NR0B2: variants seen among roughly 807,000 people sequenced by gnomAD.
The protein encoded by NR0B2 is nuclear receptor SHP.
A neutral mutation model predicts 18.9 loss-of-function variants in NR0B2; 17 were observed. That is an observed-to-expected ratio of 0.90 (90% CI 0.62 to 1.35). The LOEUF is 1.35. NR0B2 is among the 40% of genes most tolerant of loss of function. The probability of loss-of-function intolerance (pLI) is 0.00; values close to 1 mark genes in which losing one functional copy is unlikely to be tolerated. For missense variants in NR0B2, 312 were observed against 333.3 expected, an observed-to-expected ratio of 0.94 and a Z score of 0.50; for synonymous variants, 116 against 138.5, an observed-to-expected ratio of 0.84 and a Z score of 1.14.
rs2082026112 is a variant in NR0B2, at chr1:26,911,497, T to C, written c.*348A>G. On this transcript the variant is annotated 3_prime_UTR_variant, in exon 2 of 2. Transcript: ENST00000254227. ...ACAGTATCAGGCTCCAAGTGTTTCA[T>C]ACCTTTTATTACAAAAATCAATAAC... is the stretch of plus-strand genomic sequence containing the variant. The C allele has an allele frequency of 2.8e-6, 1 of 352,446 alleles. No individual in the cohort carries two copies. Among genetic ancestry groups the C allele is most frequent in the South Asian group, 2.3e-5 (1 of 43,520 alleles). The allele number at this position is 352,446 out of a possible 1,614,324, so 21.8% of individuals were successfully genotyped here. A position where few individuals can be genotyped will look rare whatever the true frequency, so the allele number is the denominator to read the frequency against.
chr1:26,913,802 C>T lies in NR0B2; in HGVS notation c.139G>A (p.Val47Ile), dbSNP rs200354158. Residue 47 changes from valine to isoleucine, a missense_variant, in exon 1 of 2, where the codon GTC becomes ATC. By Grantham distance (29) the Val-to-Ile change is conservative. Transcript: ENST00000254227. Reference sequence around the variant, plus strand: ...GTGCGATGAGGTGCACATAGCTGGACGGGCCGGTGCTGCCTACATAGGCAG... The same window carrying T: ...GTGCGATGAGGTGCACATAGCTGGATGGGCCGGTGCTGCCTACATAGGCAG... ...SRCLCRQHRP[V>I]QLCAPHRTCR... 78 of 1,527,374 alleles carry T rather than the reference C, an allele frequency of 5.1e-5. 1 individual carries two copies. In the South Asian group the frequency reaches 8.3e-4, roughly 16 times the overall value. 94.6% of individuals were successfully genotyped at this position (1,527,374 alleles called of 1,614,324 possible). A position where few individuals can be genotyped will look rare whatever the true frequency, so the allele number is the denominator to read the frequency against.
In NR0B2 at chr1:26,911,573, C is replaced by A. The variant is rs2082026654; in HGVS notation, c.*272G>T. ...TAGGACTTCTGGTCCAATAAGCAGC[C>A]TAAGCTTTCATTCTCATCCCAAGAA... On this transcript the variant is annotated 3_prime_UTR_variant, in exon 2 of 2. Transcript: ENST00000254227. The A allele has an allele frequency of 2.0e-6, 1 of 493,188 alleles. No individual in the cohort carries two copies. The highest frequency in any genetic ancestry group is 1.9e-5 in the African/African-American group (1 of 51,460). 30.6% of individuals were successfully genotyped at this position (493,188 alleles called of 1,614,324 possible). A position where few individuals can be genotyped will look rare whatever the true frequency, so the allele number is the denominator to read the frequency against.
In NR0B2 at chr1:26,912,105, A is replaced by G. The variant is rs952418425; in HGVS notation, c.533-19T>C. The G allele has an allele frequency of 6.2e-7, 1 of 1,612,474 alleles. No individual in the cohort carries two copies. The highest frequency in any genetic ancestry group is 8.5e-7 in the Non-Finnish European group (1 of 1,179,934). ...GGCACATCTGTGGGCAGAGAGGGAG[A>G]AGAGGGCTGGTGAGCACCCTACTCC... On this transcript the variant is annotated intron_variant, in intron 1 of 1. Coordinates refer to ENST00000254227, the MANE Select transcript of NR0B2 (RefSeq NM_021969.3).
In NR0B2 at chr1:26,913,707, C is replaced by A. The variant is rs1475882019; in HGVS notation, c.234G>T (p.Gln78His). ...GCCGCCGCTGGTCCTGGGGAGGCAG[C>A]TGCCAGAAGGATGGCAGGTTCCTGA... ...AFLRNLPSFW[Q>H]LPPQDQRRLL... Residue 78 changes from glutamine (Q) to histidine (H), a missense_variant, in exon 1 of 2, where the codon CAG becomes CAT. Coordinates refer to ENST00000254227, the MANE Select transcript of NR0B2 (RefSeq NM_021969.3). 1 of 1,609,620 alleles carries A rather than the reference C, an allele frequency of 6.2e-7. No individual in the cohort carries two copies. The highest frequency in any genetic ancestry group is 1.7e-5 in the Admixed American group (1 of 59,662).
chr1:26,913,233 G>C (rs2082038737), intron 1 of NR0B2, among the ~76,000 whole-genome samples, 176 bp downstream of exon 1: 1 of 152,116 alleles, frequency 6.6e-6, no homozygotes, highest in South Asian at 2.1e-4. Context: ...GTTGCAGTGA[G>C]CCAAGATCGC....
intron 1 of NR0B2, among the ~76,000 whole-genome samples, chr1:26,913,143 G>A (rs756822373): frequency 4.6e-5 from 7 of 152,042 alleles, no homozygotes; most frequent in East Asian, 1.9e-4. Context: ...AAAATTAGCC[G>A]GGAGTGGTGG....
chr1:26,912,876 C>A (rs2082036790), intron 1 of NR0B2, among the ~76,000 whole-genome samples: 2 of 152,220 alleles, frequency 1.3e-5, no homozygotes, highest in South Asian at 4.1e-4. Context: ...AAGGGCCAGT[C>A]TCTGGAGTGA....
At chr1:26,912,126 A>G (rs1474956180) in intron 1 of NR0B2, 40 bp from the exon 2 acceptor site, 4 of 1,609,848 alleles carry the variant, frequency 2.5e-6, no homozygotes, top group African/African-American at 1.3e-5. Flanking sequence ...TGAGCACCCT[A>G]CTCCCAGCCA....
At chr1:26,912,839 C>T (rs1250909644) in intron 1 of NR0B2, among the ~76,000 whole-genome samples, 1 of 152,148 alleles carries the variant, frequency 6.6e-6, no homozygotes, top group Non-Finnish European at 1.5e-5. Context: ...CTGTAAAGGT[C>T]AGAGCAAATT....
Position 26,912,098 on chromosome 1 carries a change from G to A in NR0B2, c.533-12C>T, listed in dbSNP as rs1557666514. On this transcript the variant is annotated splice_polypyrimidine_tract_variant and intron_variant, in intron 1 of 1. Transcript: ENST00000254227. ...GAGGCCTGGCACATCTGTGGGCAGA[G>A]AGGGAGAAGAGGGCTGGTGAGCACC... 3.1e-6 allele frequency: 5 copies of A among 1,612,804 alleles called. No homozygotes were observed. The South Asian group carries it at 5.5e-5, about 18-fold the overall frequency.
Position 26,912,005 on chromosome 1 carries a change from G to A in NR0B2, c.614C>T (p.Pro205Leu), listed in dbSNP as rs370338086. The stretch of plus-strand genomic sequence containing the variant: ...GCGGCCTTGGGCTGCTGGGCACCAG[G>A]GTTCCAGGACTTCACACAGCACCCA... ...AHWVLCEVLE[P>L]WCPAAQGRLT... The change falls in exon 2 of 2, where the codon CCC becomes CTC. Residue 205 changes from proline (P) to leucine (L), a missense_variant. Physicochemically the swap from Pro to Leu is moderately conservative, Grantham distance 98. Coordinates refer to ENST00000254227, the MANE Select transcript of NR0B2 (RefSeq NM_021969.3). 4.3e-6 allele frequency: 7 copies of A among 1,614,104 alleles called. No homozygotes were observed. Among genetic ancestry groups the A allele is most frequent in the African/African-American group, 4.0e-5 (3 of 74,924 alleles).
chr1:26,913,602 C>T lies in NR0B2; in HGVS notation c.339G>A (p.Pro113=), dbSNP rs143133224. The T allele has an allele frequency of 1.3e-3, 2,036 of 1,614,058 alleles. 4 individuals carry two copies. Among genetic ancestry groups the T allele is most frequent in the Non-Finnish European group, 1.6e-3 (1,886 of 1,179,994 alleles). ...GAATCTTCTTGAGTATGCTGGGCACCGGGGCCTCAGCCACCTCAAAGGTCA... is the reference window on the plus strand; with the variant it reads ...GAATCTTCTTGAGTATGCTGGGCACTGGGGCCTCAGCCACCTCAAAGGTCA... ...DAVTFEVAEA[P]VPSILKKILL... Residue 113 remains proline (P), a synonymous_variant, in exon 1 of 2, where the codon CCG becomes CCA. Coordinates refer to ENST00000254227, the MANE Select transcript of NR0B2 (RefSeq NM_021969.3).
At chr1:26,912,652 C>G (rs1389342545) in intron 1 of NR0B2, among the ~76,000 whole-genome samples, 1 of 152,160 alleles carries the variant, frequency 6.6e-6, no homozygotes, top group Non-Finnish European at 1.5e-5. Context: ...GCTCTCCTGG[C>G]CGAATTCCAT....
chr1:26,911,613 G>T lies in NR0B2; in HGVS notation c.*232C>A. ...CATCCCAAGAAGGGACAGGAGTCTTGGCCCAGAGGCTGTGGGGACCACCAA... is the reference window on the plus strand; with the variant it reads ...CATCCCAAGAAGGGACAGGAGTCTTTGCCCAGAGGCTGTGGGGACCACCAA... On this transcript the variant is annotated 3_prime_UTR_variant, in exon 2 of 2. Transcript: ENST00000254227. 1.8e-6 allele frequency: 1 copy of T among 563,686 alleles called. No individual in the cohort carries two copies. 34.9% of individuals were successfully genotyped at this position (563,686 alleles called of 1,614,324 possible).
chr1:26,912,629 G>A (rs923224018), intron 1 of NR0B2, among the ~76,000 whole-genome samples: 1 of 152,292 alleles, frequency 6.6e-6, no homozygotes, highest in Non-Finnish European at 1.5e-5. Context: ...AAACAGCACT[G>A]TCTCCATCTG....
chr1:26,913,362 C>A (rs368329423), intron 1 of NR0B2, 47 bp downstream of exon 1: 1 of 1,574,516 alleles, frequency 6.4e-7, no homozygotes, highest in Non-Finnish European at 8.7e-7. Flanking sequence ...CCCTGGCTGG[C>A]CCCTGCTTCA....
chr1:26,913,241 C>G (rs988868139), intron 1 of NR0B2, among the ~76,000 whole-genome samples, 168 bp downstream of exon 1: 2 of 152,044 alleles, frequency 1.3e-5, no homozygotes, highest in Admixed American at 6.6e-5. Flanking sequence ...GAGCCAAGAT[C>G]GCACCACTGC....
chr1:26,913,272 G>T, intron 1 of NR0B2, 137 bp downstream of exon 1: 1 of 819,008 alleles, frequency 1.2e-6, no homozygotes, highest in Non-Finnish European at 2.0e-6. Context: ...GGGTGACAGA[G>T]TGAGACTCTG....
intron 1 of NR0B2, among the ~76,000 whole-genome samples, chr1:26,912,779 A>T (rs997857885): frequency 6.6e-6 from 1 of 152,124 alleles, no homozygotes; most frequent in African/African-American, 2.4e-5. Context: ...TCCTTTGAGG[A>T]TGTGACTGAG....
Sources: allele counts gnomAD v4.1 joint callset (sites outside exome capture counted in the v4.1 genomes callset), GRCh38; gene constraint gnomAD v4.1.1; transcripts MANE v1.5; gene names NCBI Gene and HGNC (gene_info 2026-07-23, HGNC 2026-07-21).